The following RABGAP1L variants were observed in gnomAD, a reference collection of about 807,000 sequenced individuals.
The protein encoded by RABGAP1L is RAB GTPase activating protein 1 like.
Under a neutral mutation model 137.7 loss-of-function variants are expected in RABGAP1L, and 63 were observed. That is an observed-to-expected ratio of 0.46 (90% CI 0.37 to 0.56). The LOEUF is 0.56. Ranked by LOEUF, RABGAP1L falls within the 20% of genes least tolerant of loss-of-function variation. The pLI is 0.00. For synonymous variants in RABGAP1L, 431 were observed against 433.7 expected (o/e 0.99, Z 0.08); for missense variants, 1,095 against 1,244.0 (o/e 0.88, Z 1.80).
At position 174,937,626 on chromosome 1, in the gene RABGAP1L, A is replaced by ATATATATATATATATATG. The variant is rs1016236065; in HGVS notation, c.2341-19822_2341-19821insATATATATGTATATATAT. On this transcript the variant is annotated intron_variant, in intron 19 of 25. Transcript: ENST00000681986. ...AATAGCAATACTTCATTAAATATAT[A>ATATATATATATATATATG]TATATATATCTTGCAGTTAGAAACT... Among the ~76,000 whole-genome samples, 3 of 134,960 alleles carry ATATATATATATATATATG rather than the reference A, an allele frequency of 2.2e-5. 1 individual carries two copies. Among genetic ancestry groups the ATATATATATATATATATG allele is most frequent in the Admixed American group, 1.5e-4 (2 of 13,750 alleles). The allele number at this position is 134,960 out of a possible 152,430, so 88.5% of individuals were successfully genotyped here.
intron 19 of RABGAP1L, among the ~76,000 whole-genome samples, chr1:174,836,176 CT>C (rs1325668212): frequency 6.6e-6 from 1 of 151,868 alleles, no homozygotes; most frequent in Non-Finnish European, 1.5e-5. Context: ...TTTCTTTTCT[CT>C]TTTTTTTCAA....
intron 13 of RABGAP1L, among the ~76,000 whole-genome samples, chr1:174,404,315 A>G (rs372586989): frequency 1.4e-4 from 21 of 152,260 alleles, no homozygotes; most frequent in East Asian, 9.6e-4. Flanking sequence ...CATGTAGTAT[A>G]GGGAGTGGCT....
At chr1:174,438,725 C>A (rs116545832) in intron 13 of RABGAP1L, among the ~76,000 whole-genome samples, 42,088 of 107,048 alleles carry the variant, frequency 0.39, 8,490 homozygotes, top group African/African-American at 0.6. Flanking sequence ...CAAAAAAAAC[C>A]CAAAAAAAGT....
At chr1:174,219,429 C>T (rs1400480294) in intron 2 of RABGAP1L, 134 bp downstream of exon 2, 7 of 599,676 alleles carry the variant, frequency 1.2e-5, no homozygotes, top group Non-Finnish European at 1.7e-5. Flanking sequence ...TTATCCAGAC[C>T]CTAATTATTT....
intron 19 of RABGAP1L, among the ~76,000 whole-genome samples, chr1:174,822,766 C>A (rs903557594): frequency 6.6e-6 from 1 of 152,224 alleles, no homozygotes; most frequent in Non-Finnish European, 1.5e-5. Flanking sequence ...TTCTGTGTGG[C>A]CCGGTTCCTA....
chr1:174,722,544 G>T lies in RABGAP1L; in HGVS notation c.2169+20288G>T, dbSNP rs1479424250. 3.3e-5 allele frequency among the ~76,000 whole-genome samples: 5 copies of T among 151,920 alleles called. No individual in the cohort carries two copies. In the East Asian group the frequency reaches 9.7e-4, roughly 29 times the overall value. ...GGCTCACTGCAACCTCTGTCTCCTG[G>T]GTTCAAGCGATTCCCCTGCCTCAGC... On this transcript the variant is annotated intron_variant, in intron 17 of 25. Transcript: ENST00000681986.
At chr1:174,781,847 C>G (rs150594726) in intron 18 of RABGAP1L, among the ~76,000 whole-genome samples, 3,392 of 152,166 alleles carry the variant, frequency 0.022, 54 homozygotes, top group Middle Eastern at 0.085. Flanking sequence ...TCTTGTTTTT[C>G]TCAGGTTTGT....
chr1:174,273,561 C>G (rs77735889), intron 8 of RABGAP1L, among the ~76,000 whole-genome samples: 1 of 144,936 alleles, frequency 6.9e-6, no homozygotes, highest in Middle Eastern at 3.5e-3. Flanking sequence ...TTTTTTTTTT[C>G]TTGACCACAT....
At chr1:174,602,314 A>G (rs1045946408) in intron 13 of RABGAP1L, among the ~76,000 whole-genome samples, 1 of 152,228 alleles carries the variant, frequency 6.6e-6, no homozygotes, top group African/African-American at 2.4e-5. Context: ...TGGCAGCAGC[A>G]AGAGAAAATG....
At chr1:174,278,405 C>CCT (rs1675196439) in intron 9 of RABGAP1L, among the ~76,000 whole-genome samples, 2 of 152,132 alleles carry the variant, frequency 1.3e-5, no homozygotes, top group Non-Finnish European at 2.9e-5. Flanking sequence ...CTCAAAACAA[C>CCT]AAACACTTAG....
At chr1:174,717,686 T>C (rs1208611500) in intron 17 of RABGAP1L, among the ~76,000 whole-genome samples, 1 of 152,172 alleles carries the variant, frequency 6.6e-6, no homozygotes, top group African/African-American at 2.4e-5. Flanking sequence ...AATCTAGATG[T>C]ATTATCTAAT....
At chr1:174,684,605 C>T (rs1678321438) in intron 15 of RABGAP1L, among the ~76,000 whole-genome samples, 1 of 152,110 alleles carries the variant, frequency 6.6e-6, no homozygotes, top group African/African-American at 2.4e-5. Flanking sequence ...GTCATATGAT[C>T]ATTTTAGATA....
At chr1:174,360,647 C>T (rs1684059885) in intron 11 of RABGAP1L, among the ~76,000 whole-genome samples, 1 of 152,122 alleles carries the variant, frequency 6.6e-6, no homozygotes, top group East Asian at 1.9e-4. Context: ...TGGCATTATA[C>T]TGTAATTTAC....
chr1:174,454,383 G>C (rs929433619), intron 13 of RABGAP1L, among the ~76,000 whole-genome samples: 1 of 152,136 alleles, frequency 6.6e-6, no homozygotes, highest in African/African-American at 2.4e-5. Flanking sequence ...ATAAAGATAG[G>C]TTATATAGTT....
At chr1:174,873,049 T>G (rs1652452311) in intron 19 of RABGAP1L, among the ~76,000 whole-genome samples, 1 of 152,060 alleles carries the variant, frequency 6.6e-6, no homozygotes, top group Non-Finnish European at 1.5e-5. Flanking sequence ...AGAAGACCTT[T>G]CTGCCCTCTA....
intron 15 of RABGAP1L, among the ~76,000 whole-genome samples, chr1:174,697,194 A>AT (rs1679320639): frequency 6.6e-6 from 1 of 152,192 alleles, no homozygotes; most frequent in East Asian, 1.9e-4. Flanking sequence ...TGCCCTAATG[A>AT]TTTTACCACA....
chr1:174,983,893 G>C (rs1046593327), intron 24 of RABGAP1L, among the ~76,000 whole-genome samples: 2 of 152,058 alleles, frequency 1.3e-5, no homozygotes, highest in Non-Finnish European at 2.9e-5. Flanking sequence ...GCTAAAATTT[G>C]ATGTTTGTAT....
chr1:174,347,469 CTT>C lies in RABGAP1L; in HGVS notation c.1466-23508_1466-23507del, dbSNP rs1331851962. Among the ~76,000 whole-genome samples, 104 of 118,926 alleles carry C rather than the reference CTT, an allele frequency of 8.7e-4. 1 individual carries two copies. The highest frequency in any genetic ancestry group is 3.9e-3 in the African/African-American group (94 of 23,850). The allele number at this position is 118,926 out of a possible 152,430, so 78.0% of individuals were successfully genotyped here. On this transcript the variant is annotated intron_variant, in intron 11 of 25. Coordinates refer to ENST00000681986, the MANE Select transcript of RABGAP1L (RefSeq NM_001366446.1). The stretch of plus-strand genomic sequence containing the variant: ...CCTTTATCATTACATAGTGACCCCT[CTT>C]TGTGTGTGTGTGTGTGTGTGTGTGT...
chr1:174,739,900 A>G (rs997754621), intron 17 of RABGAP1L, among the ~76,000 whole-genome samples: 3 of 152,216 alleles, frequency 2.0e-5, no homozygotes, highest in South Asian at 2.1e-4. Flanking sequence ...TTACTACGCA[A>G]TATACTACTG....
Sources: allele counts gnomAD v4.1 joint callset (sites outside exome capture counted in the v4.1 genomes callset), GRCh38; gene constraint gnomAD v4.1.1; transcripts MANE v1.5; gene names NCBI Gene and HGNC (gene_info 2026-07-23, HGNC 2026-07-21).